EBF2: variants seen among roughly 807,000 people sequenced by gnomAD.
EBF2 encodes the protein transcription factor COE2.
EBF2 carries 21 observed loss-of-function variants against 72.8 expected under a neutral mutation model. That is an observed-to-expected ratio of 0.29 (90% confidence interval 0.20 to 0.42). EBF2 has a LOEUF of 0.42. Among genes scored for constraint, EBF2 ranks in the 10% least tolerant of loss-of-function variants. EBF2 has a pLI of 1.00. For synonymous variants in EBF2, 299 were observed against 274.2 expected (o/e 1.09, Z -0.89); for missense variants, 637 against 731.2 (o/e 0.87, Z 1.49).
chr8:25,902,801 C>G (rs895529582), intron 7 of EBF2, among the ~76,000 whole-genome samples: 1 of 152,128 alleles, frequency 6.6e-6, no homozygotes, highest in African/African-American at 2.4e-5. Context: ...TCAGCTGTAG[C>G]CTTAAAGCAT....
In EBF2 at chr8:26,039,925, G is replaced by C. The variant is rs867387715; in HGVS notation, c.482+103C>G. 3.6e-5 allele frequency: 45 copies of C among 1,264,586 alleles called. 1 individual carries two copies. The highest frequency in any genetic ancestry group is 1.4e-4 in the South Asian group (11 of 80,298). The allele number at this position is 1,264,586 out of a possible 1,614,324, so 78.3% of individuals were successfully genotyped here. On this transcript the variant is annotated intron_variant, in intron 5 of 15. Transcript: ENST00000520164. ...TCTGCCCGCGAGGCCTCCCAGCTGC[G>C]AGCGCTCAGTCCTGAAAGTTAGTCC...
chr8:26,030,164 G>A (rs534167385), intron 6 of EBF2, among the ~76,000 whole-genome samples: 3 of 152,326 alleles, frequency 2.0e-5, no homozygotes, highest in African/African-American at 4.8e-5. Flanking sequence ...AAGGCAAGAA[G>A]GCTAAGGTAA....
intron 5 of EBF2, among the ~76,000 whole-genome samples, chr8:26,034,866 G>C (rs918615046): frequency 6.6e-6 from 1 of 152,212 alleles, no homozygotes; most frequent in Non-Finnish European, 1.5e-5. Flanking sequence ...TGATACCTTA[G>C]GAAGATTGCT....
chr8:25,961,380 T>C (rs910657956), intron 6 of EBF2, among the ~76,000 whole-genome samples: 3 of 152,214 alleles, frequency 2.0e-5, no homozygotes, highest in African/African-American at 4.8e-5. Flanking sequence ...GTTTTTTGTT[T>C]TGAGACGGAG....
At chr8:25,908,399 G>T in intron 7 of EBF2, 75 bp downstream of exon 7, 5 of 1,178,888 alleles carry the variant, frequency 4.2e-6, no homozygotes, top group East Asian at 2.4e-5. Context: ...TAAAGAAAAA[G>T]AAAATAAAAA....
rs763233680 is a variant in EBF2, at chr8:25,887,836, G to A, written c.882+6C>T. ...AAATCAGAGTAAGCCTGTTGCCTCT[G>A]CTTACCTCGCTCCATACAAGCATAG... On this transcript the variant is annotated splice_donor_region_variant and intron_variant, in intron 9 of 15. Transcript: ENST00000520164. The A allele has an allele frequency of 3.7e-5, 59 of 1,593,274 alleles. No individual in the cohort carries two copies. The highest frequency in any genetic ancestry group is 4.7e-5 in the Non-Finnish European group (55 of 1,170,998).
chr8:25,899,457 G>C (rs1162071747), intron 7 of EBF2, among the ~76,000 whole-genome samples: 2 of 152,148 alleles, frequency 1.3e-5, no homozygotes, highest in Non-Finnish European at 1.5e-5. Context: ...CACACTGAAA[G>C]ATGTGAACTG....
At chr8:25,893,288 T>C (rs1021189463) in intron 7 of EBF2, among the ~76,000 whole-genome samples, 1 of 145,700 alleles carries the variant, frequency 6.9e-6, no homozygotes, top group Non-Finnish European at 1.5e-5. Flanking sequence ...TTTTTTTTTT[T>C]TTTTTTTTTT....
chr8:25,931,182 A>C (rs1803474466), intron 6 of EBF2, among the ~76,000 whole-genome samples: 1 of 152,234 alleles, frequency 6.6e-6, no homozygotes, highest in South Asian at 2.1e-4. Context: ...ATTTGGAAAA[A>C]TAAATAAATG....
At chr8:26,043,687 C>A (rs1805649136) in intron 1 of EBF2, among the ~76,000 whole-genome samples, 1 of 152,180 alleles carries the variant, frequency 6.6e-6, no homozygotes, top group Admixed American at 6.5e-5. Context: ...GGACACCTGG[C>A]CAGTTTGGGA....
chr8:26,044,956 C>A lies in EBF2; in HGVS notation c.-97G>T. The stretch of plus-strand genomic sequence containing the variant: ...TGCCAGCAAATCGTCTCCTCCAAAG[C>A]AATCCAAGAAAAGGGATCAAGTGCC... On this transcript the variant is annotated 5_prime_UTR_variant, in exon 1 of 16. Coordinates refer to ENST00000520164, the MANE Select transcript of EBF2 (RefSeq NM_022659.4). The surrounding 1 kb of genome is among the most constrained non-coding windows in gnomAD (Gnocchi z 4.1). 4 of 1,361,136 alleles carry A rather than the reference C, an allele frequency of 2.9e-6. No homozygotes were observed. Among genetic ancestry groups the A allele is most frequent in the Non-Finnish European group, 2.0e-6 (2 of 1,006,316 alleles). 84.3% of individuals were successfully genotyped at this position (1,361,136 alleles called of 1,614,324 possible).
chr8:25,887,696 C>T lies in EBF2; in HGVS notation c.882+146G>A. On this transcript the variant is annotated intron_variant, in intron 9 of 15. Coordinates refer to ENST00000520164, the MANE Select transcript of EBF2 (RefSeq NM_022659.4). ...GTTTTCACCATTTTAAATAATACTG[C>T]AGTGGATACTTATCTTCTTAAGAAA... is the stretch of plus-strand genomic sequence containing the variant. 4.9e-6 allele frequency: 4 copies of T among 816,806 alleles called. No homozygotes were observed. In the South Asian group the frequency reaches 1.4e-4, roughly 28 times the overall value. 50.6% of individuals were successfully genotyped at this position (816,806 alleles called of 1,614,324 possible).
intron 6 of EBF2, among the ~76,000 whole-genome samples, chr8:25,961,613 G>A (rs563933754): frequency 7.6e-4 from 116 of 152,122 alleles, no homozygotes; most frequent in African/African-American, 2.8e-3. Context: ...CACCCACCTC[G>A]GCCTCCCAAA....
chr8:25,928,795 A>AAC (rs1404374796), intron 6 of EBF2, among the ~76,000 whole-genome samples: 2 of 151,114 alleles, frequency 1.3e-5, no homozygotes, highest in East Asian at 3.9e-4. Flanking sequence ...AAAAAAAAAA[A>AAC]AAAAAACCAG....
intron 6 of EBF2, among the ~76,000 whole-genome samples, chr8:26,005,293 A>ATAATTATAT (rs1378946857): frequency 4.3e-4 from 1 of 2,326 alleles, no homozygotes; most frequent in African/African-American, 1.3e-3. Context: ...ATAATTATAT[A>ATAATTATAT]ATTATATATA....
At chr8:26,028,546 C>T (rs1241588530) in intron 6 of EBF2, among the ~76,000 whole-genome samples, 1 of 152,216 alleles carries the variant, frequency 6.6e-6, no homozygotes, top group African/African-American at 2.4e-5. Flanking sequence ...CCTTCTCCCA[C>T]ATTAGTCAGA....
chr8:26,008,796 G>A (rs1344245873), intron 6 of EBF2, among the ~76,000 whole-genome samples: 1 of 142,538 alleles, frequency 7.0e-6, no homozygotes, highest in Admixed American at 7.4e-5. Flanking sequence ...AACTGTCCAT[G>A]CCTAGAATAA....
chr8:25,878,834 C>T (rs1298905081), intron 10 of EBF2, among the ~76,000 whole-genome samples: 3 of 152,118 alleles, frequency 2.0e-5, no homozygotes, highest in Non-Finnish European at 2.9e-5. Flanking sequence ...CTCCTCACTC[C>T]GACTGCCCCC....
intron 7 of EBF2, among the ~76,000 whole-genome samples, chr8:25,893,270 C>CTT (rs1563391340): frequency 4.1e-5 from 5 of 122,734 alleles, no homozygotes; most frequent in African/African-American, 1.2e-4. Flanking sequence ...TTAATTCTTC[C>CTT]ATTTTTTTTT....
Sources: allele counts gnomAD v4.1 joint callset (sites outside exome capture counted in the v4.1 genomes callset), GRCh38; gene constraint gnomAD v4.1.1; non-coding constraint Gnocchi (gnomAD v3.1); transcripts MANE v1.5; gene names NCBI Gene and HGNC (gene_info 2026-07-23, HGNC 2026-07-21).